Variants in CNTNAP2 observed in about 807,000 individuals in gnomAD.
CNTNAP2 encodes contactin associated protein 2.
CNTNAP2 carries 98 observed loss-of-function variants against 155.2 expected under a neutral mutation model. The observed-to-expected ratio is 0.63, with a 90% confidence interval of 0.54 to 0.75. The LOEUF is 0.75. Among genes scored for constraint, CNTNAP2 ranks in the 30% least tolerant of loss-of-function variants. CNTNAP2 has a pLI of 0.00. For missense variants in CNTNAP2, 1,727 were observed against 1,688.1 expected, an observed-to-expected ratio of 1.02 and a Z score of -0.40; for synonymous variants, 651 against 631.2, an observed-to-expected ratio of 1.03 and a Z score of -0.47.
intron 8 of CNTNAP2, among the ~76,000 whole-genome samples, chr7:147,275,702 TG>T (rs1804880997): frequency 6.6e-6 from 1 of 152,080 alleles, no homozygotes; most frequent in Non-Finnish European, 1.5e-5. Context: ...AGTACTATCT[TG>T]GAAAGTCGTA....
At chr7:146,436,236 G>A (rs774853132) in intron 1 of CNTNAP2, among the ~76,000 whole-genome samples, 15 of 151,996 alleles carry the variant, frequency 9.9e-5, no homozygotes, top group Non-Finnish European at 1.8e-4. Flanking sequence ...GGGTAAGTGG[G>A]TAAAAAAATC....
At chr7:146,373,745 A>G (rs1795269005) in intron 1 of CNTNAP2, among the ~76,000 whole-genome samples, 1 of 152,162 alleles carries the variant, frequency 6.6e-6, no homozygotes, top group Non-Finnish European at 1.5e-5. Flanking sequence ...GACATAAAAC[A>G]TAATTGAGAA....
chr7:147,202,390 G>A (rs1201743554), intron 8 of CNTNAP2, among the ~76,000 whole-genome samples: 1 of 152,086 alleles, frequency 6.6e-6, no homozygotes, highest in Non-Finnish European at 1.5e-5. Flanking sequence ...GATTATGCAT[G>A]ATTCTTTTAC....
At chr7:147,586,546 G>GAT (rs1800627701) in intron 12 of CNTNAP2, among the ~76,000 whole-genome samples, 1 of 45,320 alleles carries the variant, frequency 2.2e-5, no homozygotes, top group Admixed American at 1.8e-4. Flanking sequence ...AGGAAGGAAG[G>GAT]GAGGGAGGGA....
intron 15 of CNTNAP2, among the ~76,000 whole-genome samples, chr7:148,070,118 T>C (rs148511738): frequency 2.3e-3 from 344 of 152,370 alleles, no homozygotes; most frequent in African/African-American, 8.0e-3. Context: ...CTGCTAAGAA[T>C]ATCAGTCTTA....
At chr7:147,848,245 C>T (rs1371099113) in intron 13 of CNTNAP2, among the ~76,000 whole-genome samples, 10 of 146,684 alleles carry the variant, frequency 6.8e-5, no homozygotes, top group South Asian at 6.6e-4. Context: ...TAGCAATCAG[C>T]GAGATTCCGT....
intron 1 of CNTNAP2, among the ~76,000 whole-genome samples, chr7:146,466,883 A>T (rs1432831393): frequency 6.6e-6 from 1 of 152,158 alleles, no homozygotes; most frequent in Non-Finnish European, 1.5e-5. Context: ...TCCTGTGAAG[A>T]CAGCTATAGT....
chr7:147,256,270 T>G (rs1242389089), intron 8 of CNTNAP2, among the ~76,000 whole-genome samples: 1 of 152,144 alleles, frequency 6.6e-6, no homozygotes, highest in Non-Finnish European at 1.5e-5. Flanking sequence ...AAATGAGATC[T>G]TTCGATTCCC....
At chr7:146,431,949 T>C (rs1050421855) in intron 1 of CNTNAP2, among the ~76,000 whole-genome samples, 1 of 152,138 alleles carries the variant, frequency 6.6e-6, no homozygotes, top group Non-Finnish European at 1.5e-5. Context: ...CTCTTTGAGA[T>C]TTCACACACA....
rs532323317 is a variant in CNTNAP2 at position 147,089,241 on chromosome 7, C to T, written c.551-18906C>T. On this transcript the variant is annotated intron_variant, in intron 4 of 23. Coordinates refer to ENST00000361727, the MANE Select transcript of CNTNAP2 (RefSeq NM_014141.6). ...TTTTCAACATCTTGTAGCAGTTCCA[C>T]TTGAGAAGTTTCAAGTGATCGGAGT... Among the ~76,000 whole-genome samples, 5 of 152,312 alleles carry T rather than the reference C, an allele frequency of 3.3e-5. No homozygotes were observed. In the East Asian group the frequency reaches 9.7e-4, roughly 29 times the overall value.
At chr7:147,044,093 C>A (rs754031591) in intron 4 of CNTNAP2, 39 bp downstream of exon 4, 1 of 1,611,440 alleles carries the variant, frequency 6.2e-7, no homozygotes, top group Non-Finnish European at 8.5e-7. Context: ...CAGGTTTTAT[C>A]TTTATTTAAA....
At chr7:146,130,436 T>C (rs535696998) in intron 1 of CNTNAP2, among the ~76,000 whole-genome samples, 2 of 152,180 alleles carry the variant, frequency 1.3e-5, no homozygotes, top group African/African-American at 2.4e-5. Flanking sequence ...CACCACTGCA[T>C]TTCAGCCAGC....
intron 1 of CNTNAP2, among the ~76,000 whole-genome samples, chr7:146,229,865 C>G (rs1799356131): frequency 6.6e-6 from 1 of 152,040 alleles, no homozygotes. Context: ...TGCTGCCATC[C>G]TTCATTTCTC....
chr7:146,952,177 C>T (rs1327017795), intron 3 of CNTNAP2, among the ~76,000 whole-genome samples: 2 of 152,086 alleles, frequency 1.3e-5, no homozygotes, highest in African/African-American at 4.8e-5. Context: ...ATGAGAAAAG[C>T]TACATGATAA....
intron 1 of CNTNAP2, among the ~76,000 whole-genome samples, chr7:146,333,013 G>A (rs1584873579): frequency 7.2e-6 from 1 of 138,996 alleles, no homozygotes; most frequent in South Asian, 2.2e-4. Flanking sequence ...GTGCGATCTC[G>A]GCTTACTGCA....
chr7:148,207,220 T>C (rs1795464763), intron 18 of CNTNAP2, among the ~76,000 whole-genome samples: 1 of 152,226 alleles, frequency 6.6e-6, no homozygotes, highest in South Asian at 2.1e-4. Context: ...TGTGCACTCT[T>C]ACAGTGCAGG....
intron 1 of CNTNAP2, among the ~76,000 whole-genome samples, chr7:146,564,909 T>C (rs1798334100): frequency 6.6e-6 from 1 of 152,104 alleles, no homozygotes; most frequent in African/African-American, 2.4e-5. Flanking sequence ...ACATATTCTA[T>C]AGATAAGAAA....
chr7:148,341,642 G>T (rs1051149786), intron 21 of CNTNAP2, among the ~76,000 whole-genome samples: 1 of 152,044 alleles, frequency 6.6e-6, no homozygotes, highest in African/African-American at 2.4e-5. Context: ...TAAGCTCATG[G>T]TCTTTCTATA....
At chr7:147,934,498 A>C (rs77693653) in intron 14 of CNTNAP2, among the ~76,000 whole-genome samples, 1,574 of 152,306 alleles carry the variant, frequency 0.01, 26 homozygotes, top group African/African-American at 0.036. Flanking sequence ...CTGCCCACCA[A>C]GTCCCTCCCA....
Sources: gnomAD v4.1 joint callset for allele counts (sites outside exome capture counted in the v4.1 genomes callset) on GRCh38, gnomAD v4.1.1 for gene constraint, MANE v1.5 for transcripts, NCBI Gene and HGNC (gene_info 2026-07-23, HGNC 2026-07-21) for gene names.